GRK3: variants seen among roughly 807,000 people sequenced by gnomAD.
The protein encoded by GRK3 is G protein-coupled receptor kinase 3.
GRK3 carries 54 observed loss-of-function variants against 95.7 expected under a neutral mutation model. The ratio of observed to expected loss-of-function variants is 0.56; its 90% CI spans 0.45 to 0.71. GRK3 has a LOEUF of 0.71. Ranked by LOEUF, GRK3 falls within the 30% of genes least tolerant of loss-of-function variation. The probability of loss-of-function intolerance (pLI) is 0.00; values close to 1 mark genes in which losing one functional copy is unlikely to be tolerated. For missense variants in GRK3, 649 were observed against 851.2 expected, an observed-to-expected ratio of 0.76 and a Z score of 2.96; for synonymous variants, 281 against 290.8, an observed-to-expected ratio of 0.97 and a Z score of 0.34.
chr22:25,647,020 CAAAAAAA>C (rs1025786169), intron 3 of GRK3, among the ~76,000 whole-genome samples: 495 of 54,008 alleles, frequency 9.2e-3, no homozygotes, highest in Non-Finnish European at 0.013. Flanking sequence ...GACTTTGTCT[CAAAAAAA>C]AAAAAAAAAA....
intron 12 of GRK3, among the ~76,000 whole-genome samples, chr22:25,693,979 C>T (rs982228771): frequency 2.6e-5 from 4 of 151,794 alleles, no homozygotes; most frequent in Non-Finnish European, 5.9e-5. Flanking sequence ...TTAGTAGAGA[C>T]GGGGTTTCTC....
intron 3 of GRK3, among the ~76,000 whole-genome samples, chr22:25,658,096 A>G (rs2084885015): frequency 6.6e-6 from 1 of 152,128 alleles, no homozygotes; most frequent in Non-Finnish European, 1.5e-5. Context: ...TTCTGTTAAC[A>G]TCCTTTCTGT....
At chr22:25,637,014 A>G (rs935547358) in intron 2 of GRK3, among the ~76,000 whole-genome samples, 2 of 152,222 alleles carry the variant, frequency 1.3e-5, no homozygotes, top group African/African-American at 2.4e-5. Context: ...CATCAGGGAT[A>G]TGGGTGGCTA....
intron 10 of GRK3, 141 bp downstream of exon 10, chr22:25,685,389 C>T (rs546332552): frequency 2.6e-4 from 173 of 660,184 alleles, no homozygotes; most frequent in Non-Finnish European, 3.8e-4. Context: ...AAACCTTTTA[C>T]CCTTTAATCT....
chr22:25,575,463 A>C (rs1931856661), intron 1 of GRK3, among the ~76,000 whole-genome samples: 1 of 152,178 alleles, frequency 6.6e-6, no homozygotes, highest in Non-Finnish European at 1.5e-5. Flanking sequence ...TATTGAAATG[A>C]TCTTAGTGAG....
At chr22:25,712,338 C>G (rs16980597) in intron 17 of GRK3, among the ~76,000 whole-genome samples, 4,443 of 152,270 alleles carry the variant, frequency 0.029, 83 homozygotes, top group African/African-American at 0.05. Flanking sequence ...CTGTGCACAA[C>G]CAGGCATCGT....
chr22:25,670,431 T>C (rs1467420264), intron 6 of GRK3, among the ~76,000 whole-genome samples: 2 of 151,836 alleles, frequency 1.3e-5, no homozygotes, highest in African/African-American at 4.8e-5. Flanking sequence ...AGCCTAGGAA[T>C]TGAGGGTTGT....
At chr22:25,687,146 G>GT (rs963168184) in intron 10 of GRK3, among the ~76,000 whole-genome samples, 112 of 148,506 alleles carry the variant, frequency 7.5e-4, no homozygotes, top group East Asian at 2.0e-3. Flanking sequence ...TTGTTTTTTT[G>GT]TTTTTTTTTG....
At chr22:25,574,549 C>T (rs540595884) in intron 1 of GRK3, among the ~76,000 whole-genome samples, 1 of 152,318 alleles carries the variant, frequency 6.6e-6, no homozygotes, top group South Asian at 2.1e-4. Flanking sequence ...ATTTACACAG[C>T]TGTTAAATAT....
rs939611688 is a variant in GRK3 at position 25,614,948 on chromosome 22, A to C, written c.190+10495A>C. 2.6e-5 allele frequency among the ~76,000 whole-genome samples: 4 copies of C among 152,174 alleles called. No homozygotes were observed. The South Asian group carries it at 6.2e-4, about 24-fold the overall frequency. ...ATCCCTAACCAGCTCACCCTGCAAA[A>C]GATGGACAGCAAAATGTGTGTGGAA... is the stretch of plus-strand genomic sequence containing the variant. On this transcript the variant is annotated intron_variant, in intron 2 of 20. Transcript: ENST00000324198.
In GRK3 at chr22:25,728,272, G is replaced by A. The variant is rs1413962475; in HGVS notation, c.*5822G>A. On this transcript the variant is annotated 3_prime_UTR_variant, in exon 21 of 21. Coordinates refer to ENST00000324198, the MANE Select transcript of GRK3 (RefSeq NM_005160.4). ...GCGCATGCATGTCTTTCGTCACGTC[G>A]GGCAGCACACCTGCTGTGAAATACT... 6.6e-6 allele frequency: 1 copy of A among 152,132 alleles called. No individual in the cohort carries two copies. Among genetic ancestry groups the A allele is most frequent in the Non-Finnish European group, 1.5e-5 (1 of 68,026 alleles). The allele number at this position is 152,132 out of a possible 1,614,324, so 9.4% of individuals were successfully genotyped here.
At chr22:25,566,467 A>T (rs1931490430) in intron 1 of GRK3, among the ~76,000 whole-genome samples, 1 of 152,202 alleles carries the variant, frequency 6.6e-6, no homozygotes, top group African/African-American at 2.4e-5. Flanking sequence ...AAATTGTGCA[A>T]ATGAAGACAT....
intron 1 of GRK3, among the ~76,000 whole-genome samples, chr22:25,567,286 C>T (rs1422259794): frequency 6.6e-6 from 1 of 152,118 alleles, no homozygotes; most frequent in African/African-American, 2.4e-5. Context: ...TTCTACTTAT[C>T]TTAGTGGCTT....
chr22:25,648,953 A>T, intron 3 of GRK3: 1 of 932,536 alleles, frequency 1.1e-6, no homozygotes, highest in East Asian at 2.4e-5. Flanking sequence ...GTGGGTTTAC[A>T]ATAAAGTCTG....
At chr22:25,618,807 C>A (rs2084559029) in intron 2 of GRK3, among the ~76,000 whole-genome samples, 1 of 151,520 alleles carries the variant, frequency 6.6e-6, no homozygotes. Flanking sequence ...CCAAGGTCTG[C>A]TTGGGTGTCC....
Position 25,724,702 on chromosome 22 carries a change from G to C in GRK3, c.*2252G>C, listed in dbSNP as rs1226193095. 1 of 152,158 alleles carries C rather than the reference G, an allele frequency of 6.6e-6. No individual in the cohort carries two copies. The highest frequency in any genetic ancestry group is 6.6e-5 in the Admixed American group (1 of 15,262). 9.4% of individuals were successfully genotyped at this position (152,158 alleles called of 1,614,324 possible). On this transcript the variant is annotated 3_prime_UTR_variant, in exon 21 of 21. Coordinates refer to ENST00000324198, the MANE Select transcript of GRK3 (RefSeq NM_005160.4). ...GTTTCTGAGGGCGGTCACCAGTTGTGTTGGGGTCTGGTTTGAGTGCCTTCT... is the reference window on the plus strand; with the variant it reads ...GTTTCTGAGGGCGGTCACCAGTTGTCTTGGGGTCTGGTTTGAGTGCCTTCT...
intron 9 of GRK3, among the ~76,000 whole-genome samples, chr22:25,683,007 T>C (rs2085086490): frequency 6.6e-6 from 1 of 152,272 alleles, no homozygotes; most frequent in African/African-American, 2.4e-5. Context: ...CTCCTGTAGC[T>C]GTGCAGCAGA....
At chr22:25,667,904 A>G (rs2084953148) in intron 6 of GRK3, 104 bp downstream of exon 6, 2 of 676,384 alleles carry the variant, frequency 3.0e-6, no homozygotes, top group Non-Finnish European at 2.6e-6. Flanking sequence ...TCATTTAGCA[A>G]GTATTCACTG....
chr22:25,629,889 C>T (rs2084652851), intron 2 of GRK3, among the ~76,000 whole-genome samples: 1 of 152,152 alleles, frequency 6.6e-6, no homozygotes, highest in South Asian at 2.1e-4. Context: ...TTTAGCATTT[C>T]TCCTCTACCA....
Sources: allele counts gnomAD v4.1 joint callset (sites outside exome capture counted in the v4.1 genomes callset), GRCh38; gene constraint gnomAD v4.1.1; transcripts MANE v1.5; gene names NCBI Gene and HGNC (gene_info 2026-07-23, HGNC 2026-07-21).